Variants in CDK13 observed in about 807,000 individuals in gnomAD.
CDK13 encodes cyclin dependent kinase 13.
A neutral mutation model predicts 137.6 loss-of-function variants in CDK13; 40 were observed. The ratio of observed to expected loss-of-function variants is 0.29; its 90% CI spans 0.23 to 0.38. The LOEUF (loss-of-function observed/expected upper bound fraction) is 0.38. Ranked by LOEUF, CDK13 falls within the 10% of genes least tolerant of loss-of-function variation. The pLI is 1.00. For synonymous variants in CDK13, 869 were observed against 760.1 expected (o/e 1.14, Z -2.36); for missense variants, 1,704 against 1,951.8 (o/e 0.87, Z 2.39).
In CDK13 at chr7:39,957,807, A is replaced by T. The variant is rs986333250; in HGVS notation, c.1211+5955A>T. On this transcript the variant is annotated intron_variant, in intron 1 of 13. Coordinates refer to ENST00000181839, the MANE Select transcript of CDK13 (RefSeq NM_003718.5). ...GACATTATGTCAAACTTATTTCCCA[A>T]CTCTGAAAAATTGTAGCTATTTTTG... Among the ~76,000 whole-genome samples the T allele has an allele frequency of 6.6e-5, 10 of 152,218 alleles. No homozygotes were observed. The East Asian group carries it at 1.9e-3, about 29-fold the overall frequency.
At chr7:39,965,677 T>C (rs968436117) in intron 1 of CDK13, among the ~76,000 whole-genome samples, 5 of 152,234 alleles carry the variant, frequency 3.3e-5, no homozygotes, top group African/African-American at 9.6e-5. Context: ...TAGCTGGTTA[T>C]TTTGCTCATT....
intron 7 of CDK13, chr7:40,048,423 T>C (rs1249727544): frequency 2.0e-5 from 3 of 152,192 alleles, no homozygotes; most frequent in Non-Finnish European, 4.4e-5. Flanking sequence ...ATATGATTTG[T>C]CTTATTAAAA....
intron 6 of CDK13, among the ~76,000 whole-genome samples, chr7:40,047,203 C>T (rs915458231): frequency 6.6e-6 from 1 of 151,984 alleles, no homozygotes; most frequent in Non-Finnish European, 1.5e-5. Context: ...GTAAAGTGAA[C>T]TTCTTGGAAG....
intron 9 of CDK13, among the ~76,000 whole-genome samples, chr7:40,075,058 G>A (rs1786515562): frequency 6.6e-6 from 1 of 152,066 alleles, no homozygotes; most frequent in African/African-American, 2.4e-5. Flanking sequence ...TATAATTCAT[G>A]TGTAATAAAA....
At chr7:40,078,625 G>A (rs1007383040) in intron 10 of CDK13, 95 bp from the exon 11 acceptor site, 2 of 656,302 alleles carry the variant, frequency 3.0e-6, no homozygotes, top group Admixed American at 3.4e-5. Flanking sequence ...CTTAGTTTTA[G>A]TTTTAAAATT....
At chr7:39,981,566 G>A (rs1471086101) in intron 1 of CDK13, among the ~76,000 whole-genome samples, 2 of 151,996 alleles carry the variant, frequency 1.3e-5, no homozygotes, top group African/African-American at 2.4e-5. Context: ...AATTTGTTTA[G>A]TTTTAGGTTC....
chr7:40,065,124 A>G (rs1331442716), intron 9 of CDK13, among the ~76,000 whole-genome samples: 1 of 151,834 alleles, frequency 6.6e-6, no homozygotes, highest in African/African-American at 2.4e-5. Flanking sequence ...GGTTAAGAAG[A>G]ACTGATACTC....
At chr7:39,982,641 A>G (rs1007983961) in intron 1 of CDK13, among the ~76,000 whole-genome samples, 4 of 152,184 alleles carry the variant, frequency 2.6e-5, no homozygotes, top group African/African-American at 9.7e-5. Flanking sequence ...AACAGTGTAA[A>G]AGTGTTCCTA....
At chr7:39,997,374 C>T (rs1433193645) in intron 2 of CDK13, 120 bp from the exon 3 acceptor site, 1 of 793,096 alleles carries the variant, frequency 1.3e-6, no homozygotes, top group Non-Finnish European at 2.1e-6. Context: ...GGACAATAGT[C>T]TTATAATGTG....
Position 40,094,646 on chromosome 7 carries a change from G to T in CDK13, c.4205G>T (p.Ser1402Ile). ...TCTGCCTTTTCTGAGTCATTTCCCA[G>T]TTCAGTAGCTGGATATGGAGACATT... ...QPSAFSESFPSSVAGYGDIYL... is the reference protein window; with the variant it reads ...QPSAFSESFPISVAGYGDIYL... Residue 1402 changes from serine to isoleucine, a missense_variant, in exon 14 of 14, where the codon AGT becomes ATT. Ser to Ile is a moderately radical substitution (Grantham distance 142, BLOSUM62 -2). Around this residue, in one of 5 missense-constraint regions of CDK13, gnomAD observed 475 missense variants for 579.3 expected, o/e 0.82. Transcript: ENST00000181839. 6.2e-7 allele frequency: 1 copy of T among 1,614,170 alleles called. No individual in the cohort carries two copies. The highest frequency in any genetic ancestry group is 1.1e-5 in the South Asian group (1 of 91,088).
chr7:40,043,020 C>T (rs539449413), intron 5 of CDK13, among the ~76,000 whole-genome samples: 11 of 152,272 alleles, frequency 7.2e-5, no homozygotes, highest in Admixed American at 5.9e-4. Flanking sequence ...TCAAGCAGTC[C>T]TCTCGCCCCG....
In CDK13 at chr7:40,097,587, A is replaced by T. The variant is rs1787074261; in HGVS notation, c.*2607A>T. On this transcript the variant is annotated 3_prime_UTR_variant, in exon 14 of 14. Transcript: ENST00000181839. ...CTAAAGAACACAAAATATTGCTTAA[A>T]TTTTTTGGAAAAAAGCAGGTAAGTC... The T allele has an allele frequency of 6.6e-6, 1 of 152,052 alleles. No homozygotes were observed. Among genetic ancestry groups the T allele is most frequent in the South Asian group, 2.1e-4 (1 of 4,832 alleles). The allele number at this position is 152,052 out of a possible 1,614,324, so 9.4% of individuals were successfully genotyped here.
At chr7:40,053,918 C>T (rs1268597256) in intron 7 of CDK13, among the ~76,000 whole-genome samples, 28 of 152,074 alleles carry the variant, frequency 1.8e-4, no homozygotes, top group Non-Finnish European at 3.2e-4. Flanking sequence ...TTTAAAGTTA[C>T]AGAAGTTTAG....
intron 5 of CDK13, among the ~76,000 whole-genome samples, chr7:40,013,008 C>G (rs567643400): frequency 6.6e-6 from 1 of 151,874 alleles, no homozygotes; most frequent in South Asian, 2.1e-4. Context: ...GTGGAAGCAA[C>G]CCAAGTGTCC....
At chr7:40,089,723 A>AGAGAGT (rs1491307176) in intron 12 of CDK13, among the ~76,000 whole-genome samples, 144 of 125,216 alleles carry the variant, frequency 1.2e-3, no homozygotes, top group Non-Finnish European at 1.7e-3. Flanking sequence ...AGAGAGAGAG[A>AGAGAGT]GTGTGTGTGT....
chr7:40,029,153 G>A (rs780994218), intron 5 of CDK13, among the ~76,000 whole-genome samples: 1 of 152,054 alleles, frequency 6.6e-6, no homozygotes, highest in Non-Finnish European at 1.5e-5. Flanking sequence ...AAGGCTGGGC[G>A]TGGTGGCTCA....
Position 40,047,976 on chromosome 7 carries a change from G to A in CDK13, c.2600+99G>A, listed in dbSNP as rs565254250. The A allele has an allele frequency of 6.5e-6, 5 of 773,438 alleles. No homozygotes were observed. The African/African-American group carries it at 8.6e-5, about 13-fold the overall frequency. 47.9% of individuals were successfully genotyped at this position (773,438 alleles called of 1,614,324 possible). On this transcript the variant is annotated intron_variant, in intron 7 of 13. Transcript: ENST00000181839. The stretch of plus-strand genomic sequence containing the variant: ...GATAGTTTTATTTTTTAAAAGAGAA[G>A]TTTACTTTTCATGGTTAGTACATAA...
Position 40,080,188 on chromosome 7 carries a change from A to T in CDK13, c.3029+1337A>T, listed in dbSNP as rs192940835. 2.0e-5 allele frequency among the ~76,000 whole-genome samples: 3 copies of T among 152,144 alleles called. No homozygotes were observed. The East Asian group carries it at 5.8e-4, about 29-fold the overall frequency. On this transcript the variant is annotated intron_variant, in intron 11 of 13. Transcript: ENST00000181839. ...TTTTTAGTAGAGATGGGATTTCACC[A>T]TGTTGGCCAGGCTGGTCTTGAACTC...
intron 7 of CDK13, among the ~76,000 whole-genome samples, chr7:40,050,039 G>C (rs1785850186): frequency 6.6e-6 from 1 of 151,956 alleles, no homozygotes; most frequent in Non-Finnish European, 1.5e-5. Context: ...GAGTGCAGTG[G>C]TGCAATCTCA....
Sources: allele counts gnomAD v4.1 joint callset (sites outside exome capture counted in the v4.1 genomes callset), GRCh38; gene constraint gnomAD v4.1.1; regional missense constraint gnomAD v4.1.1; transcripts MANE v1.5; gene names NCBI Gene and HGNC (gene_info 2026-07-23, HGNC 2026-07-21).